The following GRID1 variants were observed in gnomAD, a reference collection of about 807,000 sequenced individuals.
The protein encoded by GRID1 is glutamate ionotropic receptor delta type subunit 1.
Under a neutral mutation model 98.0 loss-of-function variants are expected in GRID1, and 28 were observed. That is an observed-to-expected ratio of 0.29 (90% CI 0.21 to 0.39). GRID1 has a LOEUF of 0.39. Ranked by LOEUF, GRID1 falls within the 10% of genes least tolerant of loss-of-function variation. The pLI, the probability that GRID1 is intolerant of heterozygous loss-of-function variation, is 1.00. For synonymous variants in GRID1, 553 were observed against 538.5 expected (o/e 1.03, Z -0.37); for missense variants, 1,111 against 1,340.5 (o/e 0.83, Z 2.67).
intron 4 of GRID1, among the ~76,000 whole-genome samples, chr10:86,036,595 T>G (rs1843265493): frequency 6.6e-6 from 1 of 152,224 alleles, no homozygotes; most frequent in South Asian, 2.1e-4. Context: ...GGCCCTGTCC[T>G]GCCTCCCTGT....
intron 2 of GRID1, among the ~76,000 whole-genome samples, chr10:86,235,857 T>C (rs1427525600): frequency 6.6e-6 from 1 of 152,284 alleles, no homozygotes; most frequent in African/African-American, 2.4e-5. Context: ...TGAACATTCA[T>C]GTATAAGTCT....
intron 12 of GRID1, among the ~76,000 whole-genome samples, chr10:85,710,549 G>A (rs771362365): frequency 1.2e-4 from 18 of 152,032 alleles, no homozygotes; most frequent in African/African-American, 1.7e-4. Context: ...GCTTTATGAC[G>A]TTAGATTTGG....
At chr10:86,068,230 T>C (rs545292348) in intron 4 of GRID1, among the ~76,000 whole-genome samples, 2 of 152,274 alleles carry the variant, frequency 1.3e-5, no homozygotes, top group East Asian at 3.9e-4. Context: ...CCAGGTGTGG[T>C]TGATGCTGAA....
chr10:86,172,552 T>C (rs1845508988), intron 3 of GRID1, among the ~76,000 whole-genome samples: 1 of 152,158 alleles, frequency 6.6e-6, no homozygotes, highest in Admixed American at 6.5e-5. Context: ...CTTAATCCCA[T>C]GGTATGAATC....
chr10:86,305,078 G>A (rs748422777), intron 2 of GRID1, among the ~76,000 whole-genome samples: 2 of 151,652 alleles, frequency 1.3e-5, no homozygotes, highest in Non-Finnish European at 2.9e-5. Flanking sequence ...TCTATAGTGT[G>A]GGTAGGTCTT....
intron 2 of GRID1, among the ~76,000 whole-genome samples, chr10:86,262,690 C>G (rs1243584701): frequency 1.3e-5 from 2 of 152,202 alleles, no homozygotes; most frequent in Admixed American, 1.3e-4. Flanking sequence ...GCCTGAAGAT[C>G]GCCCAGCTGG....
intron 2 of GRID1, among the ~76,000 whole-genome samples, chr10:86,262,738 C>A (rs954330823): frequency 1.3e-5 from 2 of 152,180 alleles, no homozygotes; most frequent in African/African-American, 4.8e-5. Context: ...AAACGCAAAG[C>A]CCTAACCAAG....
chr10:85,635,635 G>A (rs1043876269), intron 13 of GRID1, among the ~76,000 whole-genome samples: 14 of 152,158 alleles, frequency 9.2e-5, no homozygotes, highest in Admixed American at 5.2e-4. Flanking sequence ...ATAAATAAAA[G>A]GCAGGCCTCA....
At chr10:85,714,441 C>T (rs1242574558) in intron 12 of GRID1, among the ~76,000 whole-genome samples, 1 of 151,654 alleles carries the variant, frequency 6.6e-6, no homozygotes. Context: ...ACATTCAAAT[C>T]AGAGAGAAAG....
At position 85,916,323 on chromosome 10, in the gene GRID1, A is replaced by C; in HGVS notation, c.727-84T>G. 9.7e-7 allele frequency: 1 copy of C among 1,036,106 alleles called. No homozygotes were observed. Among genetic ancestry groups the C allele is most frequent in the Non-Finnish European group, 1.5e-6 (1 of 662,878 alleles). The allele number at this position is 1,036,106 out of a possible 1,614,324, so 64.2% of individuals were successfully genotyped here. Reference sequence around the variant, plus strand: ...GATGATTGCCGAGACAGAGTTTTATAAACATTGTTCTTGGAGAATATTTTC... The same window carrying C: ...GATGATTGCCGAGACAGAGTTTTATCAACATTGTTCTTGGAGAATATTTTC... On this transcript the variant is annotated intron_variant, in intron 4 of 15. Coordinates refer to ENST00000327946, the MANE Select transcript of GRID1 (RefSeq NM_017551.3). The surrounding 1 kb of genome is among the most constrained non-coding windows in gnomAD (Gnocchi z 4.0).
In GRID1 at chr10:86,365,963, C is replaced by A. The variant is rs542808316; in HGVS notation, c.79+351G>T. Among the ~76,000 whole-genome samples, 9 of 152,268 alleles carry A rather than the reference C, an allele frequency of 5.9e-5. No individual in the cohort carries two copies. In the South Asian group the frequency reaches 1.9e-3, roughly 32 times the overall value. On this transcript the variant is annotated intron_variant, in intron 1 of 15. Coordinates refer to ENST00000327946, the MANE Select transcript of GRID1 (RefSeq NM_017551.3). This position sits in a 1 kb window ranked among gnomAD's most constrained non-coding sequence, Gnocchi z 4.8. ...CCCCCGCTGTACCTCCCCCTGCCCC[C>A]CGCTGCTCTGAGCTGCGCAGAAGGG...
intron 4 of GRID1, among the ~76,000 whole-genome samples, chr10:86,130,006 A>G (rs1406919141): frequency 6.6e-6 from 1 of 152,242 alleles, no homozygotes; most frequent in Non-Finnish European, 1.5e-5. Flanking sequence ...CCACATGAAT[A>G]AGCCTGGGCT....
intron 2 of GRID1, among the ~76,000 whole-genome samples, chr10:86,255,350 C>CTTTGGGACA (rs1376832435): frequency 2.5e-4 from 38 of 152,230 alleles, no homozygotes; most frequent in Admixed American, 2.5e-3. Flanking sequence ...TCACAAGACT[C>CTTTGGGACA]TTTGGGACAT....
chr10:86,295,633 C>T (rs1210491971), intron 2 of GRID1, among the ~76,000 whole-genome samples: 4 of 152,124 alleles, frequency 2.6e-5, no homozygotes, highest in African/African-American at 9.7e-5. Context: ...CGGAGAAACG[C>T]GATATGACGG....
At chr10:85,978,991 C>T (rs1195807507) in intron 4 of GRID1, among the ~76,000 whole-genome samples, 3 of 152,150 alleles carry the variant, frequency 2.0e-5, no homozygotes, top group Non-Finnish European at 4.4e-5. Flanking sequence ...TCTGACTCTG[C>T]ATGACTTGTT....
chr10:85,871,764 G>T (rs17401213), intron 5 of GRID1, among the ~76,000 whole-genome samples: 11,248 of 152,256 alleles, frequency 0.074, 473 homozygotes, highest in Middle Eastern at 0.13. Context: ...GTGAAGCCTG[G>T]TCAGTTGAAA....
intron 4 of GRID1, among the ~76,000 whole-genome samples, chr10:85,990,362 G>A (rs1842665407): frequency 6.6e-6 from 1 of 152,202 alleles, no homozygotes; most frequent in South Asian, 2.1e-4. Flanking sequence ...AACAGATGCA[G>A]AGCTTGTATG....
intron 13 of GRID1, among the ~76,000 whole-genome samples, chr10:85,631,053 A>C (rs1261033764): frequency 6.6e-6 from 1 of 152,212 alleles, no homozygotes; most frequent in Admixed American, 6.5e-5. Context: ...AAAGAACTCT[A>C]CTTTATGCTT....
chr10:85,724,689 G>A lies in GRID1; in HGVS notation c.1534-13C>T, dbSNP rs1841742850. The A allele has an allele frequency of 6.2e-7, 1 of 1,600,240 alleles. No individual in the cohort carries two copies. Among genetic ancestry groups the A allele is most frequent in the Non-Finnish European group, 8.5e-7 (1 of 1,174,230 alleles). On this transcript the variant is annotated splice_polypyrimidine_tract_variant and intron_variant, in intron 10 of 15. Transcript: ENST00000327946. ...CCAAGTCTGCTCTCTGAAAGGCAAAGCCATCTCATTTAGACGGCAGTCCTC... is the reference window on the plus strand; with the variant it reads ...CCAAGTCTGCTCTCTGAAAGGCAAAACCATCTCATTTAGACGGCAGTCCTC...
Sources: allele counts gnomAD v4.1 joint callset (sites outside exome capture counted in the v4.1 genomes callset), GRCh38; gene constraint gnomAD v4.1.1; non-coding constraint Gnocchi (gnomAD v3.1); transcripts MANE v1.5; gene names NCBI Gene and HGNC (gene_info 2026-07-23, HGNC 2026-07-21).